SH2D4B: variants seen among roughly 807,000 people sequenced by gnomAD.
The protein encoded by SH2D4B is SH2 domain containing 4B, also known as SH2 domain-containing protein 4B.
A neutral mutation model predicts 61.5 loss-of-function variants in SH2D4B; 45 were observed. That is an observed-to-expected ratio of 0.73 (90% CI 0.58 to 0.94). The LOEUF (loss-of-function observed/expected upper bound fraction) is 0.94. Among genes scored for constraint, SH2D4B ranks in the 40% least tolerant of loss-of-function variants. SH2D4B has a pLI of 0.00. For missense variants in SH2D4B, 572 were observed against 574.2 expected (o/e 1.00, Z 0.04); for synonymous variants, 224 against 220.4 (o/e 1.02, Z -0.14).
At chr10:80,573,289 G>C (rs1331763318) in intron 3 of SH2D4B, among the ~76,000 whole-genome samples, 2 of 151,534 alleles carry the variant, frequency 1.3e-5, no homozygotes, top group Non-Finnish European at 2.9e-5. Flanking sequence ...CCCGGCCTAT[G>C]TTGCAAATAT....
intron 3 of SH2D4B, among the ~76,000 whole-genome samples, chr10:80,583,462 A>T (rs1337894470): frequency 6.6e-6 from 1 of 151,544 alleles, no homozygotes. Context: ...TGAGGTTGGG[A>T]GTTCAAGACC....
chr10:80,636,267 T>C (rs1840166617), intron 7 of SH2D4B, among the ~76,000 whole-genome samples: 1 of 152,234 alleles, frequency 6.6e-6, no homozygotes, highest in Non-Finnish European at 1.5e-5. Context: ...TACGTGTGCA[T>C]GTGTCTTTAT....
rs573223841 is a variant in SH2D4B at position 80,596,229 on chromosome 10, C to T, written c.644-7350C>T. On this transcript the variant is annotated intron_variant, in intron 4 of 7. Coordinates refer to ENST00000646907, the MANE Select transcript of SH2D4B (RefSeq NM_001388272.1). ...TTGCTCATTGATAACGTCTGGGCAG[C>T]TGCTGTTGAACTATTTCATGCCCAT... Among the ~76,000 whole-genome samples the T allele has an allele frequency of 7.2e-5, 11 of 152,340 alleles. No individual in the cohort carries two copies. The East Asian group carries it at 2.1e-3, about 29-fold the overall frequency.
At chr10:80,597,393 C>T (rs1842396000) in intron 4 of SH2D4B, among the ~76,000 whole-genome samples, 1 of 152,192 alleles carries the variant, frequency 6.6e-6, no homozygotes, top group African/African-American at 2.4e-5. Flanking sequence ...AGGCCAGGCA[C>T]AATGACTCAT....
intron 4 of SH2D4B, among the ~76,000 whole-genome samples, chr10:80,591,416 G>A (rs1842324905): frequency 6.6e-6 from 1 of 151,954 alleles, no homozygotes; most frequent in South Asian, 2.1e-4. Context: ...AGTCTGGTAA[G>A]GGCCTTCTTG....
At chr10:80,639,740 C>T (rs1427210945) in intron 7 of SH2D4B, among the ~76,000 whole-genome samples, 4 of 152,124 alleles carry the variant, frequency 2.6e-5, no homozygotes, top group Admixed American at 2.6e-4. Context: ...TCCAATTTGC[C>T]AGTCTGTGTC....
intron 3 of SH2D4B, among the ~76,000 whole-genome samples, chr10:80,575,298 A>G (rs1842112020): frequency 6.6e-6 from 1 of 152,004 alleles, no homozygotes; most frequent in Non-Finnish European, 1.5e-5. Flanking sequence ...TTACTAAACA[A>G]TTTTAAAGGA....
rs1841538961 is a variant in SH2D4B, at chr10:80,538,661, G to T, written c.184+146G>T. 1.5e-6 allele frequency: 1 copy of T among 686,174 alleles called. No individual in the cohort carries two copies. Among genetic ancestry groups the T allele is most frequent in the Non-Finnish European group, 2.1e-6 (1 of 475,476 alleles). The allele number at this position is 686,174 out of a possible 1,614,324, so 42.5% of individuals were successfully genotyped here. Reference sequence around the variant, plus strand: ...GAAACCCTTGTCTTGTGGGCATCAGGTCCCATGAGCCTGTGCTTTTGCCTT... The same window carrying T: ...GAAACCCTTGTCTTGTGGGCATCAGTTCCCATGAGCCTGTGCTTTTGCCTT... On this transcript the variant is annotated intron_variant, in intron 1 of 7. Coordinates refer to ENST00000646907, the MANE Select transcript of SH2D4B (RefSeq NM_001388272.1). The surrounding 1 kb of genome is among the most constrained non-coding windows in gnomAD (Gnocchi z 4.8).
chr10:80,640,053 G>A (rs955093711), intron 7 of SH2D4B, among the ~76,000 whole-genome samples: 4 of 152,116 alleles, frequency 2.6e-5, no homozygotes, highest in South Asian at 4.1e-4. Context: ...ATGAAGCTTA[G>A]TTTGGCTGGA....
At chr10:80,565,840 C>T (rs1281923608) in intron 1 of SH2D4B, among the ~76,000 whole-genome samples, 1 of 151,992 alleles carries the variant, frequency 6.6e-6, no homozygotes, top group Non-Finnish European at 1.5e-5. Context: ...CCTGTAATCC[C>T]AGCACTTTGG....
At chr10:80,598,700 ACAGAGAATTCAGTCAGTTATTCAG>A (rs1842412725) in intron 4 of SH2D4B, among the ~76,000 whole-genome samples, 1 of 152,140 alleles carries the variant, frequency 6.6e-6, no homozygotes, top group Admixed American at 6.6e-5. Context: ...ATTCAGTTCA[ACAGAGAATTCAGTCAGTTATTCAG>A]CAGAGCTCTG....
In SH2D4B at chr10:80,565,098, A is replaced by G. The variant is rs148012486; in HGVS notation, c.185-5056A>G. ...TCAGCAGTCTATGAGTGGCTGAAGT[A>G]TGGCCGCTGGGATTGGCCAAGACTC... On this transcript the variant is annotated intron_variant, in intron 1 of 7. Transcript: ENST00000646907. Among the ~76,000 whole-genome samples, 595 of 152,324 alleles carry G rather than the reference A, an allele frequency of 3.9e-3. 6 individuals are homozygous for G. The highest frequency in any genetic ancestry group is 0.013 in the African/African-American group (543 of 41,582).
chr10:80,557,312 A>G (rs1299809437), intron 1 of SH2D4B, among the ~76,000 whole-genome samples: 1 of 152,126 alleles, frequency 6.6e-6, no homozygotes, highest in Non-Finnish European at 1.5e-5. Context: ...ATTTTAAAAA[A>G]TCTGTGTGAT....
intron 3 of SH2D4B, among the ~76,000 whole-genome samples, chr10:80,575,795 A>G (rs7078901): frequency 0.39 from 58,790 of 151,946 alleles, 13,561 homozygotes; most frequent in African/African-American, 0.65. Context: ...AAGAAGTTCA[A>G]CATGCATCTC....
chr10:80,565,776 GGAA>G (rs1841957955), intron 1 of SH2D4B, among the ~76,000 whole-genome samples: 1 of 152,064 alleles, frequency 6.6e-6, no homozygotes, highest in African/African-American at 2.4e-5. Flanking sequence ...ATTCCTGGCA[GGAA>G]GAAGAAGGTC....
Position 80,571,536 on chromosome 10 carries a change from G to A in SH2D4B, c.453G>A (p.Lys151=), listed in dbSNP as rs72805712. The change falls in exon 3 of 8, where the codon AAG becomes AAA. Residue 151 remains lysine (K), a synonymous_variant. Coordinates refer to ENST00000646907, the MANE Select transcript of SH2D4B (RefSeq NM_001388272.1). ...EKWKVEMEDR[K]AAKVLEERIH... ...GGAAAGTGGAGATGGAAGACCGCAA[G>A]GCTGCCAAAGTCCTGGAGGAACGCA... 201,983 of 1,613,888 alleles carry A rather than the reference G, an allele frequency of 0.13. 13,714 individuals are homozygous for A. Among genetic ancestry groups the A allele is most frequent in the African/African-American group, 0.17 (12,461 of 74,962 alleles).
intron 1 of SH2D4B, among the ~76,000 whole-genome samples, chr10:80,564,941 A>G (rs1414334653): frequency 6.6e-6 from 1 of 152,274 alleles, no homozygotes; most frequent in Non-Finnish European, 1.5e-5. Context: ...CAGCAGATAC[A>G]GAGAGACTCC....
At chr10:80,540,734 T>C in intron 1 of SH2D4B, 2 of 1,203,758 alleles carry the variant, frequency 1.7e-6, no homozygotes, top group Non-Finnish European at 2.3e-6. Flanking sequence ...TTTCAGTGAA[T>C]GGGGCAGTGC....
chr10:80,560,875 C>G (rs762558046), intron 1 of SH2D4B, among the ~76,000 whole-genome samples: 2 of 151,996 alleles, frequency 1.3e-5, no homozygotes, highest in Admixed American at 6.6e-5. Context: ...TTTCTTTTAT[C>G]TTTACATTTG....
Sources: gnomAD v4.1 joint callset for allele counts (sites outside exome capture counted in the v4.1 genomes callset) on GRCh38, gnomAD v4.1.1 for gene constraint, Gnocchi (gnomAD v3.1) non-coding constraint, MANE v1.5 for transcripts, NCBI Gene and HGNC (gene_info 2026-07-23, HGNC 2026-07-21) for gene names.